The following MACROD2 variants were observed in gnomAD, a reference collection of about 807,000 sequenced individuals.
MACROD2 encodes mono-ADP ribosylhydrolase 2, also known as ADP-ribose glycohydrolase MACROD2.
Under a neutral mutation model 70.4 loss-of-function variants are expected in MACROD2, and 36 were observed. The ratio of observed to expected loss-of-function variants is 0.51; its 90% CI spans 0.39 to 0.68. The LOEUF (loss-of-function observed/expected upper bound fraction) is 0.68. MACROD2 is among the 30% of genes least tolerant of loss of function. The probability of loss-of-function intolerance (pLI) is 0.00; values close to 1 mark genes in which losing one functional copy is unlikely to be tolerated. For missense variants in MACROD2, 496 were observed against 538.4 expected, an observed-to-expected ratio of 0.92 and a Z score of 0.78; for synonymous variants, 172 against 178.8, an observed-to-expected ratio of 0.96 and a Z score of 0.30.
At chr20:15,339,399 A>G (rs1277773332) in intron 6 of MACROD2, among the ~76,000 whole-genome samples, 3 of 151,836 alleles carry the variant, frequency 2.0e-5, no homozygotes, top group Non-Finnish European at 4.4e-5. Flanking sequence ...ACAGCAAAAC[A>G]TATTACTCAT....
chr20:15,239,590 C>T (rs999059943), intron 6 of MACROD2, among the ~76,000 whole-genome samples: 3 of 152,054 alleles, frequency 2.0e-5, no homozygotes, highest in South Asian at 2.1e-4. Flanking sequence ...TCAGCCCATA[C>T]GAGTAACTTT....
At chr20:14,330,267 G>A (rs902691295) in intron 3 of MACROD2, among the ~76,000 whole-genome samples, 17 of 151,986 alleles carry the variant, frequency 1.1e-4, no homozygotes, top group African/African-American at 4.1e-4. Context: ...TATCAAATAT[G>A]CACGAAGATT....
intron 13 of MACROD2, among the ~76,000 whole-genome samples, chr20:15,980,320 C>T (rs62194197): frequency 5.6e-4 from 85 of 152,210 alleles, no homozygotes; most frequent in Middle Eastern, 3.4e-3. Context: ...CAATATAAAG[C>T]GATATGGGAG....
chr20:15,793,944 G>T (rs1490438776), intron 8 of MACROD2, among the ~76,000 whole-genome samples: 1 of 147,164 alleles, frequency 6.8e-6, no homozygotes, highest in Admixed American at 6.8e-5. Context: ...GATAATAAAA[G>T]ATATTTTATA....
chr20:15,582,421 C>T (rs1374907732), intron 8 of MACROD2, among the ~76,000 whole-genome samples: 4 of 152,196 alleles, frequency 2.6e-5, no homozygotes, highest in African/African-American at 9.7e-5. Flanking sequence ...GCCTTCCAAG[C>T]TCTTGGCATT....
chr20:15,384,079 G>A (rs1264651878), intron 6 of MACROD2, among the ~76,000 whole-genome samples: 1 of 152,092 alleles, frequency 6.6e-6, no homozygotes, highest in Non-Finnish European at 1.5e-5. Context: ...CACTTGGAAT[G>A]GAGGCTTTGG....
At chr20:15,253,613 C>T (rs1175270793) in intron 6 of MACROD2, among the ~76,000 whole-genome samples, 2 of 152,138 alleles carry the variant, frequency 1.3e-5, no homozygotes, top group East Asian at 3.9e-4. Context: ...CATCCATACC[C>T]CGAGGGCTGG....
At position 15,100,565 on chromosome 20, in the gene MACROD2, T is replaced by C. The variant is rs749699591; in HGVS notation, c.419-129375T>C. 3.3e-5 allele frequency among the ~76,000 whole-genome samples: 5 copies of C among 152,192 alleles called. 1 individual carries two copies. Among genetic ancestry groups the C allele is most frequent in the Non-Finnish European group, 7.4e-5 (5 of 68,024 alleles). On this transcript the variant is annotated intron_variant, in intron 5 of 17. Coordinates refer to ENST00000684519, the MANE Select transcript of MACROD2 (RefSeq NM_001351661.2). Reference sequence around the variant, plus strand: ...CACAGAATACCACATAAGCAGAAAGTTATCTCTGTAGCTAAAATTCTTCAT... The same window carrying C: ...CACAGAATACCACATAAGCAGAAAGCTATCTCTGTAGCTAAAATTCTTCAT...
At chr20:14,027,411 C>A (rs984217854) in intron 2 of MACROD2, among the ~76,000 whole-genome samples, 1 of 151,994 alleles carries the variant, frequency 6.6e-6, no homozygotes, top group African/African-American at 2.4e-5. Context: ...GAGCATGCTT[C>A]TTTAGCTTGG....
intron 5 of MACROD2, among the ~76,000 whole-genome samples, chr20:15,142,973 T>C (rs975197932): frequency 2.0e-5 from 3 of 152,080 alleles, no homozygotes; most frequent in African/African-American, 4.8e-5. Context: ...AATAAACATA[T>C]GTGTGCATGT....
chr20:15,500,511 G>A (rs2180527), intron 8 of MACROD2, among the ~76,000 whole-genome samples: 124,349 of 152,098 alleles, frequency 0.82, 51,264 homozygotes, highest in East Asian at 0.94. Context: ...AGATTTGTCA[G>A]TTTACATATT....
intron 5 of MACROD2, among the ~76,000 whole-genome samples, chr20:15,011,636 C>T (rs886199697): frequency 6.6e-6 from 1 of 152,132 alleles, no homozygotes. Flanking sequence ...CTCATCGAGT[C>T]GGTACCTGGT....
intron 1 of MACROD2, among the ~76,000 whole-genome samples, chr20:13,999,181 G>A (rs1212287374): frequency 1.3e-5 from 2 of 151,734 alleles, no homozygotes; most frequent in Non-Finnish European, 2.9e-5. Flanking sequence ...TTCTTTCTTG[G>A]GTATGTTTAA....
intron 6 of MACROD2, among the ~76,000 whole-genome samples, chr20:15,379,292 G>A (rs2045608671): frequency 6.6e-6 from 1 of 151,998 alleles, no homozygotes; most frequent in Non-Finnish European, 1.5e-5. Context: ...TTTCCACTGG[G>A]CTTCAAATGC....
chr20:14,978,620 C>G (rs922023328), intron 5 of MACROD2, among the ~76,000 whole-genome samples: 1 of 127,500 alleles, frequency 7.8e-6, no homozygotes, highest in Admixed American at 8.9e-5. Context: ...CTTTATTTCC[C>G]AACCCCCCCA....
At chr20:14,118,317 G>T (rs1324221125) in intron 3 of MACROD2, among the ~76,000 whole-genome samples, 5 of 152,060 alleles carry the variant, frequency 3.3e-5, no homozygotes, top group Non-Finnish European at 7.4e-5. Flanking sequence ...GGGTATTGTT[G>T]GTAGGACGCA....
chr20:15,198,181 G>A (rs1023994564), intron 5 of MACROD2, among the ~76,000 whole-genome samples: 1 of 151,910 alleles, frequency 6.6e-6, no homozygotes, highest in Non-Finnish European at 1.5e-5. Flanking sequence ...GACAGGTCTC[G>A]AACTCCTGAC....
At chr20:15,968,322 G>A (rs2066173654) in intron 13 of MACROD2, among the ~76,000 whole-genome samples, 1 of 152,068 alleles carries the variant, frequency 6.6e-6, no homozygotes. Flanking sequence ...GCTCAAAAGG[G>A]CACAGTTTCC....
intron 5 of MACROD2, among the ~76,000 whole-genome samples, chr20:14,981,877 CT>C (rs34392978): frequency 0.13 from 20,142 of 152,030 alleles, 1,663 homozygotes; most frequent in Middle Eastern, 0.19. Context: ...GAAAAGATAC[CT>C]GAAAATTTGG....
Sources: gnomAD v4.1 joint callset for allele counts (sites outside exome capture counted in the v4.1 genomes callset) on GRCh38, gnomAD v4.1.1 for gene constraint, MANE v1.5 for transcripts, NCBI Gene and HGNC (gene_info 2026-07-23, HGNC 2026-07-21) for gene names.